The following RAPGEF4 variants were observed in gnomAD, a reference collection of about 807,000 sequenced individuals.
The protein encoded by RAPGEF4 is RAP guanine-nucleotide-exchange factor (GEF) 4.
Under a neutral mutation model 147.9 loss-of-function variants are expected in RAPGEF4, and 66 were observed. The observed-to-expected ratio is 0.45, with a 90% CI of 0.37 to 0.55. The LOEUF is 0.55. Among genes scored for constraint, RAPGEF4 ranks in the 20% least tolerant of loss-of-function variants. The pLI is 0.00. For synonymous variants in RAPGEF4, 419 were observed against 442.7 expected, an observed-to-expected ratio of 0.95 and a Z score of 0.67; for missense variants, 1,071 against 1,257.3, an observed-to-expected ratio of 0.85 and a Z score of 2.24.
chr2:173,002,919 T>G (rs1359059165), intron 17 of RAPGEF4, among the ~76,000 whole-genome samples: 2 of 152,236 alleles, frequency 1.3e-5, no homozygotes, highest in East Asian at 3.8e-4. Context: ...ATGAACAAAT[T>G]CAGGATGTCT....
At chr2:173,027,662 A>G (rs887035759) in intron 25 of RAPGEF4, among the ~76,000 whole-genome samples, 3 of 152,264 alleles carry the variant, frequency 2.0e-5, no homozygotes, top group African/African-American at 7.2e-5. Flanking sequence ...GCATGCATGT[A>G]CAGCAGCACA....
chr2:172,958,308 G>A (rs1271919127), intron 6 of RAPGEF4, among the ~76,000 whole-genome samples: 2 of 152,174 alleles, frequency 1.3e-5, no homozygotes, highest in African/African-American at 4.8e-5. Context: ...ATACAGTCAG[G>A]TGCAGTCCTA....
intron 4 of RAPGEF4, among the ~76,000 whole-genome samples, chr2:172,844,245 T>TG (rs1040618222): frequency 9.9e-5 from 15 of 152,136 alleles, no homozygotes; most frequent in African/African-American, 3.6e-4. Context: ...TGTCCTCTCT[T>TG]GGAAACCTCA....
chr2:173,051,080 G>C (rs1265244374), intron 30 of RAPGEF4, among the ~76,000 whole-genome samples: 2 of 152,220 alleles, frequency 1.3e-5, no homozygotes, highest in Admixed American at 6.5e-5. Context: ...TTCAGCCTGT[G>C]AGTTGGGTTT....
chr2:172,911,815 A>G (rs1417789646), intron 4 of RAPGEF4, among the ~76,000 whole-genome samples: 2 of 126,540 alleles, frequency 1.6e-5, no homozygotes, highest in African/African-American at 6.1e-5. Context: ...TCTGTCACTC[A>G]GGCTAGAGTG....
At chr2:173,027,654 A>G (rs1051412888) in intron 25 of RAPGEF4, among the ~76,000 whole-genome samples, 1 of 152,258 alleles carries the variant, frequency 6.6e-6, no homozygotes, top group Non-Finnish European at 1.5e-5. Context: ...GCAGTGCAGC[A>G]TGCATGTACA....
At chr2:172,746,545 A>G (rs1051526805) in intron 1 of RAPGEF4, among the ~76,000 whole-genome samples, 2 of 152,184 alleles carry the variant, frequency 1.3e-5, no homozygotes, top group Admixed American at 1.3e-4. Flanking sequence ...AAACACTTTT[A>G]TTGAATAAAA....
intron 4 of RAPGEF4, among the ~76,000 whole-genome samples, chr2:172,826,172 C>G (rs1689648544): frequency 6.6e-6 from 1 of 152,184 alleles, no homozygotes; most frequent in African/African-American, 2.4e-5. Context: ...GCCATGCCCT[C>G]CCACAAACAT....
At chr2:173,049,069 T>C (rs144951542) in intron 30 of RAPGEF4, among the ~76,000 whole-genome samples, 1 of 152,252 alleles carries the variant, frequency 6.6e-6, no homozygotes, top group Non-Finnish European at 1.5e-5. Flanking sequence ...AAAGATAATA[T>C]TTATTGTCTT....
chr2:172,859,991 CAG>C (rs1693843541), intron 4 of RAPGEF4: 1 of 979,340 alleles, frequency 1.0e-6, no homozygotes, highest in African/African-American at 1.8e-5. Flanking sequence ...TCATGGAAAA[CAG>C]GGAGGGGTGG....
At chr2:172,740,900 C>T (rs960663812) in intron 1 of RAPGEF4, among the ~76,000 whole-genome samples, 3 of 152,226 alleles carry the variant, frequency 2.0e-5, no homozygotes, top group African/African-American at 7.2e-5. Flanking sequence ...ACAATAAGAT[C>T]TGTCACATCA....
At chr2:173,032,285 G>A (rs185826965) in intron 26 of RAPGEF4, among the ~76,000 whole-genome samples, 12 of 152,212 alleles carry the variant, frequency 7.9e-5, no homozygotes, top group Admixed American at 2.0e-4. Context: ...GCCCCACCCC[G>A]GCTGTGACAA....
chr2:172,988,040 A>G (rs1222220433), intron 12 of RAPGEF4, among the ~76,000 whole-genome samples, 156 bp from the exon 13 acceptor site: 3 of 152,268 alleles, frequency 2.0e-5, no homozygotes, highest in Admixed American at 6.5e-5. Context: ...AAAGGAGATA[A>G]TGTGCCACCT....
chr2:172,819,138 T>G (rs1423776140), intron 4 of RAPGEF4, among the ~76,000 whole-genome samples: 3 of 152,180 alleles, frequency 2.0e-5, no homozygotes, highest in Non-Finnish European at 4.4e-5. Flanking sequence ...GGTTTCCTTC[T>G]CCTTTTCCCT....
chr2:172,787,292 T>C (rs1685307314), intron 1 of RAPGEF4, among the ~76,000 whole-genome samples: 1 of 152,236 alleles, frequency 6.6e-6, no homozygotes. Flanking sequence ...TCTTTTTTGA[T>C]ACTGCTAATA....
intron 2 of RAPGEF4, among the ~76,000 whole-genome samples, 164 bp downstream of exon 2, chr2:172,795,331 A>T (rs530081817): frequency 6.6e-6 from 1 of 152,324 alleles, no homozygotes; most frequent in South Asian, 2.1e-4. Context: ...ATTCAGTTGC[A>T]TGTAGGTGTT....
chr2:172,834,591 T>A (rs1178362538), intron 4 of RAPGEF4, among the ~76,000 whole-genome samples: 1 of 152,206 alleles, frequency 6.6e-6, no homozygotes, highest in Non-Finnish European at 1.5e-5. Context: ...GTTTATAAAA[T>A]CCCAAGCAAC....
At chr2:172,881,822 G>T (rs1696666313) in intron 4 of RAPGEF4, among the ~76,000 whole-genome samples, 1 of 152,178 alleles carries the variant, frequency 6.6e-6, no homozygotes, top group Admixed American at 6.5e-5. Context: ...CCTTATCAGA[G>T]AATTCATCAG....
At chr2:172,850,821 A>G (rs1460231273) in intron 4 of RAPGEF4, among the ~76,000 whole-genome samples, 1 of 151,930 alleles carries the variant, frequency 6.6e-6, no homozygotes, top group Non-Finnish European at 1.5e-5. Flanking sequence ...AATTATTTGG[A>G]TCTTCTCTCT....
Sources: gnomAD v4.1 joint callset for allele counts (sites outside exome capture counted in the v4.1 genomes callset) on GRCh38, gnomAD v4.1.1 for gene constraint, MANE v1.5 for transcripts, NCBI Gene and HGNC (gene_info 2026-07-23, HGNC 2026-07-21) for gene names.